The following SREK1IP1 variants were observed in gnomAD, a reference collection of about 807,000 sequenced individuals.
SREK1IP1 encodes the protein protein SREK1IP1.
In SREK1IP1, 12 loss-of-function variants were observed where a neutral mutation model predicts 22.8. That is an observed-to-expected ratio of 0.53 (90% confidence interval 0.34 to 0.85). SREK1IP1 has a LOEUF of 0.85. SREK1IP1 is among the 40% of genes least tolerant of loss of function. SREK1IP1 has a pLI of 0.02. For synonymous variants in SREK1IP1, 53 were observed against 52.7 expected, an observed-to-expected ratio of 1.01 and a Z score of -0.02; for missense variants, 147 against 171.8, an observed-to-expected ratio of 0.86 and a Z score of 0.81.
intron 3 of SREK1IP1, among the ~76,000 whole-genome samples, chr5:64,736,950 G>C (rs1307509453): frequency 6.9e-6 from 1 of 143,974 alleles, no homozygotes; most frequent in African/African-American, 2.6e-5. Flanking sequence ...AGTAATTTCA[G>C]AATAACTACT....
Position 64,754,475 on chromosome 5 carries a change from TTG to T in SREK1IP1, c.14-115_14-114del. ...CATTTGTTATAGAATTTCTTTTTTT[TTG>T]TTGTTGAGACAAGGTGTCACTCTGT... On this transcript the variant is annotated intron_variant, in intron 1 of 4. Transcript: ENST00000513458. 9 of 1,076,142 alleles carry T rather than the reference TTG, an allele frequency of 8.4e-6. No homozygotes were observed. In the African/African-American group the frequency reaches 1.5e-4, roughly 17 times the overall value. The allele number at this position is 1,076,142 out of a possible 1,614,324, so 66.7% of individuals were successfully genotyped here. A position where few individuals can be genotyped will look rare whatever the true frequency, so the allele number is the denominator to read the frequency against.
chr5:64,726,240 C>A (rs1164497561), intron 4 of SREK1IP1, among the ~76,000 whole-genome samples: 1 of 151,962 alleles, frequency 6.6e-6, no homozygotes, highest in Non-Finnish European at 1.5e-5. Context: ...ACTATCTCTG[C>A]TAAGTGTGCA....
At chr5:64,739,030 G>A (rs1742512188) in intron 3 of SREK1IP1, among the ~76,000 whole-genome samples, 1 of 152,072 alleles carries the variant, frequency 6.6e-6, no homozygotes, top group Non-Finnish European at 1.5e-5. Flanking sequence ...TTTAATCCCT[G>A]ATCCTGGAAG....
intron 2 of SREK1IP1, among the ~76,000 whole-genome samples, chr5:64,747,029 T>TGCGTAGGGCAAAGAAGGG (rs1742650320): frequency 6.6e-6 from 1 of 152,156 alleles, no homozygotes; most frequent in East Asian, 1.9e-4. Flanking sequence ...ATGGAGGAGA[T>TGCGTAGGGCAAAGAAGGG]GCGTAGGGCA....
chr5:64,741,917 C>G (rs553932289), intron 2 of SREK1IP1, among the ~76,000 whole-genome samples: 1 of 149,554 alleles, frequency 6.7e-6, no homozygotes, highest in Non-Finnish European at 1.5e-5. Flanking sequence ...CACTCGCATG[C>G]CTGTGCGCAC....
intron 1 of SREK1IP1, chr5:64,754,604 CA>C: frequency 2.5e-6 from 1 of 397,664 alleles, no homozygotes; most frequent in Non-Finnish European, 4.6e-6. Flanking sequence ...GCTGAGACTA[CA>C]GGCATGTGCC....
chr5:64,719,376 TAA>T lies in SREK1IP1; in HGVS notation c.*5006_*5007del, dbSNP rs1742118063. On this transcript the variant is annotated 3_prime_UTR_variant, in exon 5 of 5. Transcript: ENST00000513458. ...TAAAGTATATGTTAAGTTTGAAAAT[TAA>T]GACATTTCCATTATAAAAATGACAT... 6.6e-6 allele frequency: 1 copy of T among 152,158 alleles called. No individual in the cohort carries two copies. Among genetic ancestry groups the T allele is most frequent in the Non-Finnish European group, 1.5e-5 (1 of 68,016 alleles). 9.4% of individuals were successfully genotyped at this position (152,158 alleles called of 1,614,324 possible).
rs150000680 is a variant in SREK1IP1, at chr5:64,721,902, G to A, written c.*2482C>T. On this transcript the variant is annotated 3_prime_UTR_variant, in exon 5 of 5. Coordinates refer to ENST00000513458, the MANE Select transcript of SREK1IP1 (RefSeq NM_173829.4). ...TTGAAGTGATTTCAGAGATAATCTG[G>A]TACAATATTTTATAGACGAAAGACA... 39 of 151,936 alleles carry A rather than the reference G, an allele frequency of 2.6e-4. No individual in the cohort carries two copies. Among genetic ancestry groups the A allele is most frequent in the African/African-American group, 8.9e-4 (37 of 41,440 alleles). 9.4% of individuals were successfully genotyped at this position (151,936 alleles called of 1,614,324 possible).
At chr5:64,767,237 G>T (rs1276130021) in intron 1 of SREK1IP1, among the ~76,000 whole-genome samples, 1 of 152,090 alleles carries the variant, frequency 6.6e-6, no homozygotes, top group Non-Finnish European at 1.5e-5. Context: ...ACCTCCTTTG[G>T]AAAGTCCTTC....
chr5:64,761,390 G>A (rs1742950177), intron 1 of SREK1IP1, among the ~76,000 whole-genome samples: 1 of 152,182 alleles, frequency 6.6e-6, no homozygotes, highest in Non-Finnish European at 1.5e-5. Flanking sequence ...TACATTCTGA[G>A]AAATGTGTTG....
chr5:64,763,574 CAG>C (rs1440505952), intron 1 of SREK1IP1, among the ~76,000 whole-genome samples: 1 of 151,960 alleles, frequency 6.6e-6, no homozygotes, highest in Non-Finnish European at 1.5e-5. Context: ...ATAGAAGAGA[CAG>C]AGAAATTTGT....
chr5:64,738,357 T>C (rs559399584), intron 3 of SREK1IP1, among the ~76,000 whole-genome samples: 1 of 152,186 alleles, frequency 6.6e-6, no homozygotes, highest in African/African-American at 2.4e-5. Flanking sequence ...AAAGAGCATT[T>C]GACAATATAT....
At chr5:64,757,244 T>A (rs1742857601) in intron 1 of SREK1IP1, among the ~76,000 whole-genome samples, 2 of 152,164 alleles carry the variant, frequency 1.3e-5, no homozygotes, top group African/African-American at 4.8e-5. Context: ...AAATTCTTTG[T>A]TTTAATTAGC....
intron 4 of SREK1IP1, among the ~76,000 whole-genome samples, chr5:64,726,562 C>T (rs959674976): frequency 7.2e-5 from 10 of 139,366 alleles, no homozygotes; most frequent in Admixed American, 1.5e-4. Flanking sequence ...GGCAACAGAG[C>T]GAGACTCTGT....
chr5:64,751,901 TTAAAGG>T (rs1418733047), intron 2 of SREK1IP1, among the ~76,000 whole-genome samples: 5 of 152,150 alleles, frequency 3.3e-5, no homozygotes, highest in Non-Finnish European at 7.3e-5. Context: ...ATGTAAAATG[TTAAAGG>T]TATTTACATA....
At position 64,718,979 on chromosome 5, in the gene SREK1IP1, G is replaced by T. The variant is rs1742105250; in HGVS notation, c.*5405C>A. On this transcript the variant is annotated 3_prime_UTR_variant, in exon 5 of 5. Coordinates refer to ENST00000513458, the MANE Select transcript of SREK1IP1 (RefSeq NM_173829.4). ...CTTCTCTGGTCTGATATATAAAAAAGAATACCTTATTTTTCTTGGGCATGC... is the reference window on the plus strand; with the variant it reads ...CTTCTCTGGTCTGATATATAAAAAATAATACCTTATTTTTCTTGGGCATGC... 1.3e-5 allele frequency: 2 copies of T among 152,108 alleles called. No homozygotes were observed. Among genetic ancestry groups the T allele is most frequent in the South Asian group, 4.1e-4 (2 of 4,828 alleles). The allele number at this position is 152,108 out of a possible 1,614,324, so 9.4% of individuals were successfully genotyped here. A position where few individuals can be genotyped will look rare whatever the true frequency, so the allele number is the denominator to read the frequency against.
chr5:64,764,585 G>C (rs1222986133), intron 1 of SREK1IP1, among the ~76,000 whole-genome samples: 1 of 152,192 alleles, frequency 6.6e-6, no homozygotes, highest in African/African-American at 2.4e-5. Flanking sequence ...CGCAGAGAGA[G>C]ATGGGGAGAC....
At position 64,719,636 on chromosome 5, in the gene SREK1IP1, GACTATA is replaced by G. The variant is rs962040503; in HGVS notation, c.*4742_*4747del. On this transcript the variant is annotated 3_prime_UTR_variant, in exon 5 of 5. Transcript: ENST00000513458. ...TCTACTTTTGTTGCTCATGGCCAAGGACTATAAATGGCACAAGAAGCAAGAAACAGA... is the reference window on the plus strand; with the variant it reads ...TCTACTTTTGTTGCTCATGGCCAAGGAATGGCACAAGAAGCAAGAAACAGA... 5 of 152,134 alleles carry G rather than the reference GACTATA, an allele frequency of 3.3e-5. No homozygotes were observed. Among genetic ancestry groups the G allele is most frequent in the African/African-American group, 1.2e-4 (5 of 41,412 alleles). The allele number at this position is 152,134 out of a possible 1,614,324, so 9.4% of individuals were successfully genotyped here.
intron 1 of SREK1IP1, among the ~76,000 whole-genome samples, chr5:64,755,042 T>C (rs1742814232): frequency 6.6e-6 from 1 of 152,044 alleles, no homozygotes; most frequent in African/African-American, 2.4e-5. Flanking sequence ...ATAGCTATTA[T>C]TAAAAAGTCA....
Sources: allele counts gnomAD v4.1 joint callset (sites outside exome capture counted in the v4.1 genomes callset), GRCh38; gene constraint gnomAD v4.1.1; transcripts MANE v1.5; gene names NCBI Gene and HGNC (gene_info 2026-07-23, HGNC 2026-07-21).